Variants in MAPT observed in about 807,000 individuals in gnomAD.
The protein encoded by MAPT is microtubule-associated protein tau.
In MAPT, 34 loss-of-function variants were observed where a neutral mutation model predicts 67.9. That is an observed-to-expected ratio of 0.50 (90% CI 0.38 to 0.67). The LOEUF (loss-of-function observed/expected upper bound fraction) is 0.67. Ranked by LOEUF, MAPT falls within the 30% of genes least tolerant of loss-of-function variation. MAPT has a pLI of 0.00. For synonymous variants in MAPT, 456 were observed against 464.5 expected (o/e 0.98, Z 0.23); for missense variants, 881 against 1,115.2 (o/e 0.79, Z 2.99).
intron 9 of MAPT, among the ~76,000 whole-genome samples, chr17:46,007,676 T>C (rs2075545131): frequency 6.6e-6 from 1 of 152,138 alleles, no homozygotes; most frequent in African/African-American, 2.4e-5. Context: ...AACAATGTTG[T>C]AAACACCCAG....
chr17:45,978,280 TA>T (rs1220050403), intron 3 of MAPT, 94 bp from the exon 4 acceptor site: 5 of 976,652 alleles, frequency 5.1e-6, no homozygotes, highest in Non-Finnish European at 8.3e-6. Flanking sequence ...CCTGAATGTT[TA>T]AGGGAAAATG....
At chr17:45,992,916 G>A (rs552788525) in intron 8 of MAPT, among the ~76,000 whole-genome samples, 7 of 148,558 alleles carry the variant, frequency 4.7e-5, no homozygotes, top group Non-Finnish European at 7.4e-5. Flanking sequence ...AAAAACAGTC[G>A]TCCTCTTTGG....
At chr17:45,904,272 TTTTATATATATAATATGTATA>T (rs2064077046) in intron 1 of MAPT, among the ~76,000 whole-genome samples, 1 of 55,090 alleles carries the variant, frequency 1.8e-5, no homozygotes, top group Non-Finnish European at 3.5e-5. Flanking sequence ...TTATATATAT[TTTTATATATATAATATGTATA>T]ATATATAATA....
At chr17:45,909,036 T>C (rs1423107395) in intron 1 of MAPT, among the ~76,000 whole-genome samples, 1 of 152,212 alleles carries the variant, frequency 6.6e-6, no homozygotes, top group Non-Finnish European at 1.5e-5. Flanking sequence ...GCCCCGAGCA[T>C]GGCCTGCATA....
At chr17:45,933,451 G>T (rs1361138165) in intron 1 of MAPT, among the ~76,000 whole-genome samples, 1 of 152,090 alleles carries the variant, frequency 6.6e-6, no homozygotes, top group Non-Finnish European at 1.5e-5. Context: ...TGTTGCCCAG[G>T]CTGGTCTCAA....
chr17:45,999,348 C>CCT (rs775992026), intron 9 of MAPT: 1 of 1,613,974 alleles, frequency 6.2e-7, no homozygotes, highest in South Asian at 1.1e-5. Context: ...GGTGGCCGGC[C>CCT]CTCATTGAAT....
At position 46,026,605 on chromosome 17, in the gene MAPT, GCAGCGCAGCCTCCCAC is replaced by G. The variant is rs1297469389; in HGVS notation, c.*2437_*2452del. ...CTCTCCAAGCTCGCCCTCTGGAGGG[GCAGCGCAGCCTCCCAC>G]CAAGGGCCCTGCGACCACAGCAGGG... On this transcript the variant is annotated 3_prime_UTR_variant, in exon 13 of 13. Coordinates refer to ENST00000262410, the MANE Select transcript of MAPT (RefSeq NM_001377265.1). 6.6e-6 allele frequency: 1 copy of G among 152,278 alleles called. No individual in the cohort carries two copies. The highest frequency in any genetic ancestry group is 2.4e-5 in the African/African-American group (1 of 41,458). 9.4% of individuals were successfully genotyped at this position (152,278 alleles called of 1,614,324 possible).
intron 9 of MAPT, among the ~76,000 whole-genome samples, chr17:45,997,624 G>T (rs1488751211): frequency 6.6e-6 from 1 of 152,182 alleles, no homozygotes; most frequent in African/African-American, 2.4e-5. Flanking sequence ...GGGCGTGGTG[G>T]TGGTGCGCGC....
At chr17:45,969,591 A>T (rs2071433445) in intron 2 of MAPT, among the ~76,000 whole-genome samples, 1 of 138,112 alleles carries the variant, frequency 7.2e-6, no homozygotes, top group African/African-American at 2.5e-5. Context: ...CCCTTCCTTC[A>T]TCCTTCCTAT....
chr17:45,936,100 G>A (rs971013389), intron 1 of MAPT, among the ~76,000 whole-genome samples: 4 of 152,188 alleles, frequency 2.6e-5, no homozygotes, highest in Non-Finnish European at 5.9e-5. Context: ...TCCATAACTT[G>A]TGTTGACCGA....
chr17:45,914,505 A>T (rs1396160280), intron 1 of MAPT, among the ~76,000 whole-genome samples: 1 of 152,182 alleles, frequency 6.6e-6, no homozygotes, highest in Non-Finnish European at 1.5e-5. Flanking sequence ...TGAGAAAAGC[A>T]GTGAGGAACA....
chr17:45,967,986 T>A (rs1165676294), intron 2 of MAPT, among the ~76,000 whole-genome samples: 1 of 151,692 alleles, frequency 6.6e-6, no homozygotes, highest in Admixed American at 6.6e-5. Flanking sequence ...CCGACACAGA[T>A]CTCCTCACCA....
chr17:45,994,743 C>T (rs918539122), intron 8 of MAPT, among the ~76,000 whole-genome samples: 1 of 152,166 alleles, frequency 6.6e-6, no homozygotes, highest in Non-Finnish European at 1.5e-5. Flanking sequence ...TGCCTATAAT[C>T]CCAGCACTTT....
intron 1 of MAPT, among the ~76,000 whole-genome samples, chr17:45,899,488 T>C (rs2063483373): frequency 6.6e-6 from 1 of 152,184 alleles, no homozygotes. Flanking sequence ...ATGGGGAAAC[T>C]GAAGCACAGA....
chr17:46,010,473 A>G lies in MAPT; in HGVS notation c.2091+71A>G. On this transcript the variant is annotated intron_variant, in intron 10 of 12. Coordinates refer to ENST00000262410, the MANE Select transcript of MAPT (RefSeq NM_001377265.1). The surrounding 1 kb of genome is among the most constrained non-coding windows in gnomAD (Gnocchi z 4.7). ...ATTAGGAAGTGGTGTGAGTGCGTAC[A>G]CTTGCGAGACACTGCATAGAATAAA... The G allele has an allele frequency of 9.6e-7, 1 of 1,037,020 alleles. No individual in the cohort carries two copies. Among genetic ancestry groups the G allele is most frequent in the Non-Finnish European group, 1.5e-6 (1 of 677,670 alleles). 64.2% of individuals were successfully genotyped at this position (1,037,020 alleles called of 1,614,324 possible). A position where few individuals can be genotyped will look rare whatever the true frequency, so the allele number is the denominator to read the frequency against.
At chr17:45,904,305 ATAT>A (rs2064089398) in intron 1 of MAPT, among the ~76,000 whole-genome samples, 3 of 43,610 alleles carry the variant, frequency 6.9e-5, no homozygotes, top group Non-Finnish European at 1.4e-4. Flanking sequence ...TATATAATAT[ATAT>A]AAAAACATAT....
chr17:46,002,286 G>T (rs1008020381), intron 9 of MAPT, among the ~76,000 whole-genome samples: 1 of 152,124 alleles, frequency 6.6e-6, no homozygotes, highest in Admixed American at 6.5e-5. Context: ...TGCTGGGGAC[G>T]GTTAAGCAGG....
At chr17:45,950,953 GCACTCGGCTCCA>G (rs1374164795) in intron 1 of MAPT, among the ~76,000 whole-genome samples, 1 of 152,142 alleles carries the variant, frequency 6.6e-6, no homozygotes, top group African/African-American at 2.4e-5. Flanking sequence ...GTGAGCCACC[GCACTCGGCTCCA>G]CACTTTTCAC....
chr17:45,903,674 C>A (rs2063771957), intron 1 of MAPT, among the ~76,000 whole-genome samples: 1 of 129,984 alleles, frequency 7.7e-6, no homozygotes. Flanking sequence ...GAGATCGCAC[C>A]ACTGCACTCT....
Sources: gnomAD v4.1 joint callset for allele counts (sites outside exome capture counted in the v4.1 genomes callset) on GRCh38, gnomAD v4.1.1 for gene constraint, Gnocchi (gnomAD v3.1) non-coding constraint, MANE v1.5 for transcripts, NCBI Gene and HGNC (gene_info 2026-07-23, HGNC 2026-07-21) for gene names.